The following BEND6 variants were observed in gnomAD, a reference collection of about 807,000 sequenced individuals.
BEND6 encodes the protein BEN domain containing 6, also known as BEN domain-containing protein 6.
In BEND6, 24 loss-of-function variants were observed where a neutral mutation model predicts 31.8. That is an observed-to-expected ratio of 0.75 (90% CI 0.55 to 1.06). The LOEUF is 1.06. Ranked by LOEUF, BEND6 falls within the 50% of genes least tolerant of loss-of-function variation. The pLI is 0.00. For missense variants in BEND6, 294 were observed against 327.4 expected (o/e 0.90, Z 0.79); for synonymous variants, 109 against 114.6 (o/e 0.95, Z 0.31).
chr6:56,987,959 C>T (rs1826342961), intron 2 of BEND6, among the ~76,000 whole-genome samples: 1 of 151,814 alleles, frequency 6.6e-6, no homozygotes, highest in Non-Finnish European at 1.5e-5. Context: ...TTGCTATTGC[C>T]CTTTAAAACT....
rs545985721 is a variant in BEND6 at position 56,989,652 on chromosome 6, G to A, written c.121-2726G>A. On this transcript the variant is annotated intron_variant, in intron 2 of 6. Coordinates refer to ENST00000370746, the MANE Select transcript of BEND6 (RefSeq NM_152731.3). ...CATTCATATTTTTGCCCCAAATGAT[G>A]TCTTTTTATCATGTTGATCTTCTTT... Among the ~76,000 whole-genome samples, 3 of 152,242 alleles carry A rather than the reference G, an allele frequency of 2.0e-5. No homozygotes were observed. The South Asian group carries it at 6.2e-4, about 32-fold the overall frequency.
At chr6:56,985,028 C>A (rs1826205996) in intron 2 of BEND6, among the ~76,000 whole-genome samples, 1 of 152,210 alleles carries the variant, frequency 6.6e-6, no homozygotes, top group African/African-American at 2.4e-5. Flanking sequence ...CTGACCAGCA[C>A]TGACAAGGAG....
Position 57,026,172 on chromosome 6 carries a change from A to G in BEND6, c.*100A>G, listed in dbSNP as rs1402645789. 1.3e-5 allele frequency: 2 copies of G among 152,206 alleles called. No individual in the cohort carries two copies. The highest frequency in any genetic ancestry group is 4.8e-5 in the African/African-American group (2 of 41,456). The allele number at this position is 152,206 out of a possible 1,614,324, so 9.4% of individuals were successfully genotyped here. A position where few individuals can be genotyped will look rare whatever the true frequency, so the allele number is the denominator to read the frequency against. On this transcript the variant is annotated 3_prime_UTR_variant, in exon 7 of 7. Coordinates refer to ENST00000370746, the MANE Select transcript of BEND6 (RefSeq NM_152731.3). ...TCTGCAGCCTTCCTGGCAGTGAGAA[A>G]GACAGACATGTGCAGTGACAGGCTG...
At chr6:57,004,484 G>T in intron 3 of BEND6, 1 of 658,652 alleles carries the variant, frequency 1.5e-6, no homozygotes, top group Non-Finnish European at 2.8e-6. Flanking sequence ...CCCTGGGACC[G>T]TCCCAAGGCC....
intron 2 of BEND6, among the ~76,000 whole-genome samples, chr6:56,989,823 A>G (rs1382471185): frequency 6.6e-6 from 1 of 152,158 alleles, no homozygotes; most frequent in Non-Finnish European, 1.5e-5. Context: ...GTCACTTAAC[A>G]GTATTGCAAA....
chr6:57,021,592 TGCAAGA>T (rs978756871), intron 6 of BEND6, among the ~76,000 whole-genome samples: 1 of 152,180 alleles, frequency 6.6e-6, no homozygotes, highest in African/African-American at 2.4e-5. Context: ...AGCTCTCACA[TGCAAGA>T]GCTTGATTTT....
At chr6:56,973,349 A>G (rs1269053270) in intron 1 of BEND6, among the ~76,000 whole-genome samples, 2 of 152,202 alleles carry the variant, frequency 1.3e-5, no homozygotes, top group Non-Finnish European at 2.9e-5. Context: ...TCTCTCAAGT[A>G]CAAGTAGTGC....
chr6:56,985,304 A>G (rs1826218067), intron 2 of BEND6, among the ~76,000 whole-genome samples: 1 of 152,232 alleles, frequency 6.6e-6, no homozygotes, highest in Non-Finnish European at 1.5e-5. Context: ...CTCAAGTAAC[A>G]CAATAATGGC....
intron 3 of BEND6, among the ~76,000 whole-genome samples, chr6:56,997,509 G>A (rs910115254): frequency 2.0e-5 from 3 of 152,170 alleles, no homozygotes; most frequent in African/African-American, 7.2e-5. Context: ...CAGAAGTCAG[G>A]AACTGCCTAC....
In BEND6 at chr6:57,023,177, T is replaced by C. The variant is rs550900274; in HGVS notation, c.*10-2905T>C. On this transcript the variant is annotated intron_variant, in intron 6 of 6. Transcript: ENST00000370746. ...GTACTTTAACTCCAGTGTTTCCTTG[T>C]CAATTTTCTGTCTGGAGGATCTGTC... 5.3e-5 allele frequency among the ~76,000 whole-genome samples: 8 copies of C among 152,350 alleles called. No homozygotes were observed. The East Asian group carries it at 1.3e-3, about 26-fold the overall frequency.
chr6:56,959,883 T>C (rs548611202), intron 1 of BEND6, among the ~76,000 whole-genome samples: 1 of 152,308 alleles, frequency 6.6e-6, no homozygotes, highest in African/African-American at 2.4e-5. Context: ...TTAGGTTTTG[T>C]TGTTCTATGG....
At chr6:57,006,827 A>G (rs1432574216) in intron 3 of BEND6, among the ~76,000 whole-genome samples, 2 of 152,238 alleles carry the variant, frequency 1.3e-5, no homozygotes, top group African/African-American at 4.8e-5. Flanking sequence ...TCACTCAAAT[A>G]TACTACCAAG....
chr6:57,003,402 G>A (rs754772577), intron 3 of BEND6, among the ~76,000 whole-genome samples: 4 of 152,152 alleles, frequency 2.6e-5, no homozygotes, highest in African/African-American at 4.8e-5. Flanking sequence ...TCAGGAGTCT[G>A]AAGCAGGAGG....
At position 56,979,968 on chromosome 6, in the gene BEND6, C is replaced by T. The variant is rs148952302; in HGVS notation, c.-100-1743C>T. Among the ~76,000 whole-genome samples the T allele has an allele frequency of 8.5e-5, 13 of 152,154 alleles. No homozygotes were observed. In the East Asian group the frequency reaches 9.7e-4, roughly 11 times the overall value. On this transcript the variant is annotated intron_variant, in intron 1 of 6. Coordinates refer to ENST00000370746, the MANE Select transcript of BEND6 (RefSeq NM_152731.3). ...TTATAACTTCCTAGAGAATGTCATG[C>T]GAGCTACACAGCTCTGAAATATAAA...
chr6:56,974,928 C>G (rs1035846751), intron 1 of BEND6, among the ~76,000 whole-genome samples: 7 of 152,080 alleles, frequency 4.6e-5, no homozygotes, highest in Admixed American at 1.3e-4. Flanking sequence ...CAAGACCAGC[C>G]TGGCCAACCT....
chr6:56,962,481 T>C (rs187520176), intron 1 of BEND6, among the ~76,000 whole-genome samples: 1 of 152,334 alleles, frequency 6.6e-6, no homozygotes, highest in East Asian at 1.9e-4. Flanking sequence ...TGGCTAGTTC[T>C]TTTTGCTCCA....
intron 2 of BEND6, among the ~76,000 whole-genome samples, chr6:56,988,190 G>T (rs547968611): frequency 6.9e-4 from 105 of 151,824 alleles, no homozygotes; most frequent in African/African-American, 2.3e-3. Flanking sequence ...CTAATTTTTT[G>T]TATTTTTAGT....
At chr6:56,967,999 A>C (rs1825545531) in intron 1 of BEND6, among the ~76,000 whole-genome samples, 1 of 152,202 alleles carries the variant, frequency 6.6e-6, no homozygotes, top group African/African-American at 2.4e-5. Flanking sequence ...ATATATACTA[A>C]ATATTCAGTA....
intron 1 of BEND6, among the ~76,000 whole-genome samples, chr6:56,960,613 A>G (rs1825255246): frequency 6.6e-6 from 1 of 152,342 alleles, no homozygotes; most frequent in African/African-American, 2.4e-5. Flanking sequence ...GGACTTTTGC[A>G]TTAAATATTT....
Sources: gnomAD v4.1 joint callset for allele counts (sites outside exome capture counted in the v4.1 genomes callset) on GRCh38, gnomAD v4.1.1 for gene constraint, MANE v1.5 for transcripts, NCBI Gene and HGNC (gene_info 2026-07-23, HGNC 2026-07-21) for gene names.